The following SCAPER variants were observed in gnomAD, a reference collection of about 807,000 sequenced individuals.
SCAPER encodes S phase cyclin A-associated protein in the endoplasmic reticulum.
SCAPER carries 98 observed loss-of-function variants against 182.2 expected under a neutral mutation model. The observed-to-expected ratio is 0.54, with a 90% CI of 0.46 to 0.64. The LOEUF (loss-of-function observed/expected upper bound fraction) is 0.64. SCAPER is among the 30% of genes least tolerant of loss of function. The pLI is 0.00. For synonymous variants in SCAPER, 605 were observed against 564.6 expected, an observed-to-expected ratio of 1.07 and a Z score of -1.01; for missense variants, 1,432 against 1,690.0, an observed-to-expected ratio of 0.85 and a Z score of 2.68.
chr15:76,805,030 A>C (rs2066052966), intron 5 of SCAPER, among the ~76,000 whole-genome samples: 1 of 152,198 alleles, frequency 6.6e-6, no homozygotes, highest in South Asian at 2.1e-4. Context: ...GCAAGATAAT[A>C]AGATGCCATC....
intron 17 of SCAPER, among the ~76,000 whole-genome samples, chr15:76,720,327 A>C (rs1021575557): frequency 2.6e-5 from 4 of 151,966 alleles, no homozygotes; most frequent in Non-Finnish European, 5.9e-5. Flanking sequence ...CCAGTCTATC[A>C]TTGTTGGACA....
chr15:76,385,619 A>G (rs2043241283), intron 27 of SCAPER, among the ~76,000 whole-genome samples: 1 of 152,218 alleles, frequency 6.6e-6, no homozygotes, highest in East Asian at 1.9e-4. Context: ...GCAGTATCCC[A>G]GTTTTTGGAT....
intron 20 of SCAPER, among the ~76,000 whole-genome samples, chr15:76,686,301 A>G (rs1245376156): frequency 6.6e-6 from 1 of 152,094 alleles, no homozygotes; most frequent in Non-Finnish European, 1.5e-5. Flanking sequence ...TACCTAAAAC[A>G]TGAAGAAATG....
At chr15:76,749,294 C>A (rs2061966568) in intron 15 of SCAPER, among the ~76,000 whole-genome samples, 1 of 151,804 alleles carries the variant, frequency 6.6e-6, no homozygotes, top group African/African-American at 2.4e-5. Flanking sequence ...ATTTTAAAGT[C>A]CAATCATGGT....
intron 24 of SCAPER, among the ~76,000 whole-genome samples, chr15:76,485,140 G>A (rs1028392622): frequency 1.5e-4 from 23 of 152,146 alleles, no homozygotes; most frequent in South Asian, 4.1e-4. Context: ...ACATGATCCT[G>A]CATCTAGAAA....
chr15:76,720,134 G>A (rs558833695), intron 17 of SCAPER, among the ~76,000 whole-genome samples: 2 of 136,738 alleles, frequency 1.5e-5, no homozygotes, highest in Non-Finnish European at 3.0e-5. Context: ...CTGTGTCCAT[G>A]CGTTCTCATT....
chr15:76,355,077 C>A (rs1473752748), intron 29 of SCAPER, among the ~76,000 whole-genome samples: 1 of 152,204 alleles, frequency 6.6e-6, no homozygotes, highest in Non-Finnish European at 1.5e-5. Context: ...CACACCCAGA[C>A]AGGACTACAT....
chr15:76,433,737 T>G (rs2047012714), intron 26 of SCAPER, among the ~76,000 whole-genome samples: 1 of 152,224 alleles, frequency 6.6e-6, no homozygotes, highest in East Asian at 1.9e-4. Flanking sequence ...AAAAAATCCA[T>G]TGTGCTCTTC....
chr15:76,652,297 T>A (rs1167220776), intron 21 of SCAPER, among the ~76,000 whole-genome samples: 2 of 28,476 alleles, frequency 7.0e-5, no homozygotes, highest in African/African-American at 1.8e-4. Flanking sequence ...TATATATATA[T>A]ATATATATAT....
At chr15:76,482,832 T>C (rs922191774) in intron 24 of SCAPER, among the ~76,000 whole-genome samples, 10 of 152,214 alleles carry the variant, frequency 6.6e-5, no homozygotes, top group Middle Eastern at 3.4e-3. Context: ...GGGAAAACTA[T>C]AAAACTCTGA....
At chr15:76,892,162 C>A (rs2074202807) in intron 1 of SCAPER, among the ~76,000 whole-genome samples, 1 of 152,168 alleles carries the variant, frequency 6.6e-6, no homozygotes, top group Non-Finnish European at 1.5e-5. Flanking sequence ...ACACTTTATA[C>A]AAAAATTAAT....
chr15:76,836,363 C>G (rs1043079922), intron 5 of SCAPER, among the ~76,000 whole-genome samples: 2 of 152,084 alleles, frequency 1.3e-5, no homozygotes, highest in African/African-American at 4.8e-5. Context: ...GTACAAAAAT[C>G]AGATACATAT....
chr15:76,515,698 C>T (rs2042364473), intron 23 of SCAPER, among the ~76,000 whole-genome samples: 1 of 152,166 alleles, frequency 6.6e-6, no homozygotes, highest in Non-Finnish European at 1.5e-5. Context: ...TAAACTAAAT[C>T]ATAATGATTA....
At chr15:76,417,795 G>A (rs1596510956) in intron 26 of SCAPER, among the ~76,000 whole-genome samples, 2 of 152,144 alleles carry the variant, frequency 1.3e-5, no homozygotes, top group Non-Finnish European at 2.9e-5. Flanking sequence ...CGAGGTGGGC[G>A]GATCACGAGG....
At chr15:76,483,238 CCAAA>C (rs1252775819) in intron 24 of SCAPER, among the ~76,000 whole-genome samples, 2 of 149,290 alleles carry the variant, frequency 1.3e-5, no homozygotes, top group Non-Finnish European at 3.0e-5. Context: ...GCAAAGGCAA[CCAAA>C]CAAAGAACAG....
At chr15:76,627,286 AT>A (rs1272383721) in intron 21 of SCAPER, among the ~76,000 whole-genome samples, 1 of 152,044 alleles carries the variant, frequency 6.6e-6, no homozygotes, top group Non-Finnish European at 1.5e-5. Context: ...TTTTATCTTT[AT>A]AAAAAATAGT....
intron 23 of SCAPER, among the ~76,000 whole-genome samples, chr15:76,518,236 T>A (rs1355773732): frequency 1.3e-5 from 2 of 152,204 alleles, no homozygotes; most frequent in Non-Finnish European, 2.9e-5. Context: ...AGCCAGGGCA[T>A]CTTTCAAAAC....
chr15:76,524,292 G>A (rs2043024355), intron 23 of SCAPER, among the ~76,000 whole-genome samples: 1 of 152,058 alleles, frequency 6.6e-6, no homozygotes, highest in African/African-American at 2.4e-5. Flanking sequence ...CATGGTAGAA[G>A]GCCTTGAGAA....
At chr15:76,541,757 C>A (rs1428777680) in intron 23 of SCAPER, among the ~76,000 whole-genome samples, 1 of 152,184 alleles carries the variant, frequency 6.6e-6, no homozygotes, top group Non-Finnish European at 1.5e-5. Context: ...CCAATGAGGG[C>A]TTGCCTATTA....
Sources: gnomAD v4.1 joint callset for allele counts (sites outside exome capture counted in the v4.1 genomes callset) on GRCh38, gnomAD v4.1.1 for gene constraint, MANE v1.5 for transcripts, NCBI Gene and HGNC (gene_info 2026-07-23, HGNC 2026-07-21) for gene names.